Variants in AGBL2 observed in about 807,000 individuals in gnomAD.
The protein encoded by AGBL2 is AGBL carboxypeptidase 2, also known as cytosolic carboxypeptidase 2.
In AGBL2, 87 loss-of-function variants were observed where a neutral mutation model predicts 103.0. The observed-to-expected ratio is 0.84, with a 90% CI of 0.71 to 1.01. AGBL2 has a LOEUF of 1.01. Ranked by LOEUF, AGBL2 falls within the 50% of genes least tolerant of loss-of-function variation. The pLI, the probability that AGBL2 is intolerant of heterozygous loss-of-function variation, is 0.00. For synonymous variants in AGBL2, 335 were observed against 356.7 expected, an observed-to-expected ratio of 0.94 and a Z score of 0.69; for missense variants, 904 against 1,023.5, an observed-to-expected ratio of 0.88 and a Z score of 1.59.
chr11:47,705,925 G>T lies in AGBL2; in HGVS notation c.233-8C>A, dbSNP rs1351400079. On this transcript the variant is annotated splice_polypyrimidine_tract_variant and splice_region_variant and intron_variant, in intron 4 of 18. Coordinates refer to ENST00000525123, the MANE Select transcript of AGBL2 (RefSeq NM_024783.4). Reference sequence around the variant, plus strand: ...AAGATAAACTGATAGGCCCTAGAAAGAGGAAGAGGAGGCACCCTTGGTGTC... The same window carrying T: ...AAGATAAACTGATAGGCCCTAGAAATAGGAAGAGGAGGCACCCTTGGTGTC... The T allele has an allele frequency of 6.2e-7, 1 of 1,613,618 alleles. No individual in the cohort carries two copies. The highest frequency in any genetic ancestry group is 1.3e-5 in the African/African-American group (1 of 74,926).
At chr11:47,667,809 T>C (rs2097345409) in intron 15 of AGBL2, 113 bp from the exon 16 acceptor site, 1 of 1,206,400 alleles carries the variant, frequency 8.3e-7, no homozygotes, top group Non-Finnish European at 1.2e-6. Context: ...GTATGCAGAT[T>C]TGTGGTGTTG....
intron 18 of AGBL2, 28 bp from the exon 19 acceptor site, chr11:47,660,374 A>T: frequency 6.3e-7 from 1 of 1,580,788 alleles, no homozygotes; most frequent in Non-Finnish European, 8.6e-7. Context: ...TAAAAAGTTG[A>T]ATTCAGTTTA....
At chr11:47,685,744 G>T in intron 11 of AGBL2, 149 bp downstream of exon 11, 1 of 869,044 alleles carries the variant, frequency 1.2e-6, no homozygotes, top group African/African-American at 1.7e-5. Flanking sequence ...TTAAAACCAC[G>T]CTTTTCTAAA....
intron 4 of AGBL2, among the ~76,000 whole-genome samples, chr11:47,706,731 G>A (rs2097521269): frequency 6.6e-6 from 1 of 151,576 alleles, no homozygotes; most frequent in African/African-American, 2.4e-5. Flanking sequence ...GTGCTCATAT[G>A]AAAAGGCTTT....
Position 47,710,362 on chromosome 11 carries a change from C to A in AGBL2, c.232+15G>T, listed in dbSNP as rs1565099080. The A allele has an allele frequency of 6.2e-7, 1 of 1,613,912 alleles. No individual in the cohort carries two copies. The highest frequency in any genetic ancestry group is 2.2e-5 in the East Asian group (1 of 44,884). On this transcript the variant is annotated intron_variant, in intron 4 of 18. Transcript: ENST00000525123. ...AATGAGGTTCTAGAGGTCACACATA[C>A]TGATTGTTACTCACATAGAAGCTTC...
chr11:47,662,391 C>G (rs1280811429), intron 18 of AGBL2, among the ~76,000 whole-genome samples: 3 of 151,788 alleles, frequency 2.0e-5, no homozygotes, highest in Non-Finnish European at 4.4e-5. Flanking sequence ...CCAGGCTGGT[C>G]TTGAACTGGA....
chr11:47,705,936 G>C lies in AGBL2; in HGVS notation c.233-19C>G, dbSNP rs1190208738. Reference sequence around the variant, plus strand: ...ATAGGCCCTAGAAAGAGGAAGAGGAGGCACCCTTGGTGTCAGGGATCGTTG... The same window carrying C: ...ATAGGCCCTAGAAAGAGGAAGAGGACGCACCCTTGGTGTCAGGGATCGTTG... On this transcript the variant is annotated intron_variant, in intron 4 of 18. Coordinates refer to ENST00000525123, the MANE Select transcript of AGBL2 (RefSeq NM_024783.4). The C allele has an allele frequency of 1.3e-5, 21 of 1,612,100 alleles. No individual in the cohort carries two copies. The highest frequency in any genetic ancestry group is 1.8e-5 in the Non-Finnish European group (21 of 1,178,224).
intron 1 of AGBL2, chr11:47,714,955 C>T (rs2097545751): frequency 2.6e-6 from 1 of 388,598 alleles, no homozygotes; most frequent in African/African-American, 2.1e-5. Flanking sequence ...CCCCATGCTT[C>T]CCTTTCCCTG....
chr11:47,670,808 A>G (rs2097355149), intron 14 of AGBL2, among the ~76,000 whole-genome samples: 1 of 152,052 alleles, frequency 6.6e-6, no homozygotes, highest in African/African-American at 2.4e-5. Context: ...AGCCTGGGCA[A>G]CATGGCAAAA....
At chr11:47,683,973 C>T (rs1175312016) in intron 11 of AGBL2, among the ~76,000 whole-genome samples, 4 of 150,768 alleles carry the variant, frequency 2.7e-5, no homozygotes, top group East Asian at 2.0e-4. Flanking sequence ...CTAGGCCGTG[C>T]GTGGCGTGGT....
chr11:47,710,362 C>T lies in AGBL2; in HGVS notation c.232+15G>A. ...AATGAGGTTCTAGAGGTCACACATA[C>T]TGATTGTTACTCACATAGAAGCTTC... On this transcript the variant is annotated intron_variant, in intron 4 of 18. Transcript: ENST00000525123. 6.2e-7 allele frequency: 1 copy of T among 1,613,912 alleles called. No individual in the cohort carries two copies.
intron 7 of AGBL2, among the ~76,000 whole-genome samples, chr11:47,702,514 C>T (rs2097502920): frequency 6.6e-6 from 1 of 152,118 alleles, no homozygotes; most frequent in Non-Finnish European, 1.5e-5. Context: ...CTATCTCTAG[C>T]ACCAAGCACT....
intron 7 of AGBL2, among the ~76,000 whole-genome samples, chr11:47,702,699 C>A (rs926002328): frequency 4.0e-5 from 6 of 151,754 alleles, no homozygotes; most frequent in Admixed American, 3.9e-4. Flanking sequence ...GATGGTGAAA[C>A]CCCGTCTGTA....
At position 47,668,430 on chromosome 11, in the gene AGBL2, G is replaced by C. The variant is rs545621239; in HGVS notation, c.2214+411C>G. ...GAGAATTGCTTGAACCCAGAAGGCG[G>C]AAGTTTGCGCCACTGCACTCCAGCC... On this transcript the variant is annotated intron_variant, in intron 15 of 18. Transcript: ENST00000525123. Among the ~76,000 whole-genome samples, 10 of 151,948 alleles carry C rather than the reference G, an allele frequency of 6.6e-5. No homozygotes were observed. In the South Asian group the frequency reaches 1.7e-3, roughly 25 times the overall value.
chr11:47,701,251 A>T (rs561537230), intron 7 of AGBL2, among the ~76,000 whole-genome samples: 8 of 151,586 alleles, frequency 5.3e-5, no homozygotes, highest in African/African-American at 1.9e-4. Flanking sequence ...CGGGCGGATC[A>T]TGAGGTCAGG....
At chr11:47,677,488 T>C (rs2097380180) in intron 13 of AGBL2, 87 bp from the exon 14 acceptor site, 3 of 905,742 alleles carry the variant, frequency 3.3e-6, no homozygotes, top group Admixed American at 4.6e-5. Flanking sequence ...AGTTTGACTC[T>C]TGTTGCCCAG....
chr11:47,667,831 A>C, intron 15 of AGBL2, 135 bp from the exon 16 acceptor site: 1 of 979,796 alleles, frequency 1.0e-6, no homozygotes, highest in Non-Finnish European at 1.5e-6. Flanking sequence ...TTTGGAGAAT[A>C]AACAAACAGT....
intron 8 of AGBL2, among the ~76,000 whole-genome samples, chr11:47,693,272 C>T (rs2097455123): frequency 6.6e-6 from 1 of 152,120 alleles, no homozygotes. Flanking sequence ...AGTGAACCTC[C>T]TGCCTCAGCC....
At position 47,685,930 on chromosome 11, in the gene AGBL2, A is replaced by C. The variant is rs761314011; in HGVS notation, c.1751T>G (p.Val584Gly). 2 of 1,613,926 alleles carry C rather than the reference A, an allele frequency of 1.2e-6. No individual in the cohort carries two copies. The highest frequency in any genetic ancestry group is 8.5e-7 in the Non-Finnish European group (1 of 1,179,978). ...NNRKYWLHER[V>G]FPLMLCKNAP... ...ATTTTTGCATAACATTAAAGGAAAG[A>C]CTCGTTCATGAAGCCAGTATTTGCG... The change falls in exon 11 of 19, where the codon GTC becomes GGC. Residue 584 changes from valine to glycine, a missense_variant. Transcript: ENST00000525123.
Sources: gnomAD v4.1 joint callset for allele counts (sites outside exome capture counted in the v4.1 genomes callset) on GRCh38, gnomAD v4.1.1 for gene constraint, MANE v1.5 for transcripts, NCBI Gene and HGNC (gene_info 2026-07-23, HGNC 2026-07-21) for gene names.